The following C2orf49 variants were observed in gnomAD, a reference collection of about 807,000 sequenced individuals.
C2orf49 encodes tRNA splicing ligase complex subunit 2.
Under a neutral mutation model 20.6 loss-of-function variants are expected in C2orf49, and 11 were observed. That is an observed-to-expected ratio of 0.53 (90% CI 0.34 to 0.88). C2orf49 has a LOEUF of 0.88. C2orf49 is among the 40% of genes least tolerant of loss of function. The pLI is 0.02. For missense variants in C2orf49, 289 were observed against 274.2 expected (o/e 1.05, Z -0.38); for synonymous variants, 134 against 108.5 (o/e 1.24, Z -1.46).
At chr2:105,353,350 T>C (rs1291061132), downstream of C2orf49, among the ~76,000 whole-genome samples, 1 of 152,216 alleles carries the variant, frequency 6.6e-6, no homozygotes, top group Non-Finnish European at 1.5e-5. Context: ...GCATAAATGC[T>C]AATAGATGTC....
At chr2:105,384,862 G>A in the C2orf49 span, among the ~76,000 whole-genome samples, 8 of 152,264 alleles carry the variant, frequency 5.3e-5, no homozygotes, top group South Asian at 2.1e-4. Context: ...TCAAGTAACT[G>A]ACCCAAGGCC....
chr2:105,364,051 G>A, the C2orf49 span, among the ~76,000 whole-genome samples: 1,610 of 152,276 alleles, frequency 0.011, 30 homozygotes, highest in African/African-American at 0.037. Context: ...GAGGTCAGGA[G>A]TTCGAGACCA....
chr2:105,369,940 C>T, the C2orf49 span, among the ~76,000 whole-genome samples: 1 of 152,198 alleles, frequency 6.6e-6, no homozygotes, highest in South Asian at 2.1e-4. Flanking sequence ...CAGCAGTGGC[C>T]GCAAGCCTGC....
At chr2:105,350,847 C>T (rs1679915349), downstream of C2orf49, among the ~76,000 whole-genome samples, 1 of 152,170 alleles carries the variant, frequency 6.6e-6, no homozygotes, top group Non-Finnish European at 1.5e-5. Flanking sequence ...AACATACATT[C>T]ATATGGTACC....
the C2orf49 span, chr2:105,359,555 A>G: frequency 6.6e-6 from 1 of 152,226 alleles, no homozygotes; most frequent in Non-Finnish European, 1.5e-5. Flanking sequence ...AAAACTAAGG[A>G]CAAAAAGGTC....
chr2:105,339,705 GGAAAA>G lies in C2orf49; in HGVS notation c.230_234del (p.Lys77ArgfsTer4). On this transcript the variant is annotated frameshift_variant, in exon 2 of 4. Transcript: ENST00000258457. LOFTEE classifies it high-confidence loss of function. The stretch of plus-strand genomic sequence containing the variant: ...CGAAGAATAGATGGGGGAAAATGAT[GGAAAA>G]GAAAAGAGAACAACATGAGATTAAA... The G allele has an allele frequency of 3.1e-6, 5 of 1,605,086 alleles. No individual in the cohort carries two copies. Among genetic ancestry groups the G allele is most frequent in the Non-Finnish European group, 4.2e-6 (5 of 1,178,030 alleles).
chr2:105,357,370 A>G, the C2orf49 span, among the ~76,000 whole-genome samples: 1 of 152,280 alleles, frequency 6.6e-6, no homozygotes, highest in Admixed American at 6.5e-5. Flanking sequence ...TTCATTTAGT[A>G]TACTTTTCAA....
At chr2:105,376,809 A>G in the C2orf49 span, 9 of 152,288 alleles carry the variant, frequency 5.9e-5, no homozygotes, top group Non-Finnish European at 1.0e-4. Flanking sequence ...TGGTCTGTGC[A>G]TACAATGGAA....
chr2:105,343,542 C>G (rs978652892), intron 3 of C2orf49, among the ~76,000 whole-genome samples: 1 of 152,110 alleles, frequency 6.6e-6, no homozygotes, highest in Non-Finnish European at 1.5e-5. Flanking sequence ...GATAAATATT[C>G]CTTTATTAGC....
chr2:105,382,554 A>G, the C2orf49 span, among the ~76,000 whole-genome samples: 3 of 152,356 alleles, frequency 2.0e-5, no homozygotes, highest in East Asian at 5.8e-4. Context: ...GTTAGGAGAA[A>G]TTTAGATCAT....
the C2orf49 span, chr2:105,373,761 C>A: frequency 6.2e-7 from 1 of 1,612,424 alleles, no homozygotes; most frequent in East Asian, 2.2e-5. Flanking sequence ...ACAAGACAGT[C>A]AGAGGCAGGA....
In C2orf49 at chr2:105,346,994, A is replaced by G. The variant is rs998141423; in HGVS notation, c.*1623A>G. The G allele has an allele frequency of 1.3e-5, 2 of 152,142 alleles. No homozygotes were observed. The highest frequency in any genetic ancestry group is 2.9e-5 in the Non-Finnish European group (2 of 68,020). The allele number at this position is 152,142 out of a possible 1,614,324, so 9.4% of individuals were successfully genotyped here. The stretch of plus-strand genomic sequence containing the variant: ...GGATTTACCTTTTTCAATATGTTTT[A>G]AAGTAGTCTTATTCCTCTTTTGATT... On this transcript the variant is annotated 3_prime_UTR_variant, in exon 4 of 4. Coordinates refer to ENST00000258457, the MANE Select transcript of C2orf49 (RefSeq NM_024093.3).
chr2:105,356,936 C>CT, the C2orf49 span, among the ~76,000 whole-genome samples: 12 of 152,016 alleles, frequency 7.9e-5, no homozygotes, highest in African/African-American at 2.9e-4. Flanking sequence ...ACCATTAACT[C>CT]TTTTTTTCTT....
chr2:105,345,291 C>G (rs1394887808), intron 3 of C2orf49, 24 bp from the exon 4 acceptor site: 1 of 1,599,558 alleles, frequency 6.3e-7, no homozygotes, highest in Admixed American at 1.7e-5. Context: ...CAAGTATAAA[C>G]TGATTTCTGT....
At chr2:105,354,005 A>G (rs1413828235), downstream of C2orf49, among the ~76,000 whole-genome samples, 4 of 152,342 alleles carry the variant, frequency 2.6e-5, no homozygotes, top group East Asian at 7.7e-4. Flanking sequence ...TACAAATTGG[A>G]TAGTGTCTAG....
rs1325260576 is a variant in C2orf49, at chr2:105,343,217, G to C, written c.636G>C (p.Glu212Asp). 2 of 1,587,528 alleles carry C rather than the reference G, an allele frequency of 1.3e-6. No homozygotes were observed. Among genetic ancestry groups the C allele is most frequent in the Non-Finnish European group, 1.7e-6 (2 of 1,169,956 alleles). ...GAGCTGCTCCTAAAGAAGAGGCAGAGGCCATGGTAAGTATGGGGGTGGTTT... is the reference window on the plus strand; with the variant it reads ...GAGCTGCTCCTAAAGAAGAGGCAGACGCCATGGTAAGTATGGGGGTGGTTT... ...LKRAAPKEEA[E>D]AMNNLKPPQA... Residue 212 changes from glutamate to aspartate, a missense_variant, in exon 3 of 4, where the codon GAG becomes GAC. Coordinates refer to ENST00000258457, the MANE Select transcript of C2orf49 (RefSeq NM_024093.3).
At position 105,337,703 on chromosome 2, in the gene C2orf49, C is replaced by T. The variant is rs759394180; in HGVS notation, c.99+17C>T. 2.0e-5 allele frequency: 2 copies of T among 99,746 alleles called. No individual in the cohort carries two copies. Among genetic ancestry groups the T allele is most frequent in the South Asian group, 6.7e-4 (2 of 2,992 alleles). The allele number at this position is 99,746 out of a possible 1,614,324, so 6.2% of individuals were successfully genotyped here. A position where few individuals can be genotyped will look rare whatever the true frequency, so the allele number is the denominator to read the frequency against. ...CTGGAGCAGGTTGGGCGCGCCGGAT[C>T]GGAGGGTGGGCGGGTGGGCCTTCCC... On this transcript the variant is annotated intron_variant, in intron 1 of 3. Coordinates refer to ENST00000258457, the MANE Select transcript of C2orf49 (RefSeq NM_024093.3).
the C2orf49 span, chr2:105,378,674 C>T: frequency 1.3e-5 from 2 of 155,606 alleles, no homozygotes; most frequent in Admixed American, 6.3e-5. Context: ...TTTCTCTCAG[C>T]CTACCTTTAT....
At chr2:105,363,543 C>T in the C2orf49 span, 1 of 1,372,074 alleles carries the variant, frequency 7.3e-7, no homozygotes, top group Non-Finnish European at 9.9e-7. Flanking sequence ...GCTACTGCCA[C>T]TGGACGATGC....
Sources: allele counts gnomAD v4.1 joint callset (sites outside exome capture counted in the v4.1 genomes callset), GRCh38; gene constraint gnomAD v4.1.1; transcripts MANE v1.5; gene names NCBI Gene and HGNC (gene_info 2026-07-23, HGNC 2026-07-21).